The following ANK3 variants were observed in gnomAD, a reference collection of about 807,000 sequenced individuals.
ANK3 encodes ankyrin 3, also known as ankyrin-3.
A neutral mutation model predicts 370.9 loss-of-function variants in ANK3; 57 were observed. The ratio of observed to expected loss-of-function variants is 0.15; its 90% confidence interval spans 0.12 to 0.19. The LOEUF (loss-of-function observed/expected upper bound fraction) is 0.19. Ranked by LOEUF, ANK3 falls within the 10% of genes least tolerant of loss-of-function variation. The pLI, the probability that ANK3 is intolerant of heterozygous loss-of-function variation, is 1.00. For synonymous variants in ANK3, 1,929 were observed against 1,946.3 expected (o/e 0.99, Z 0.23); for missense variants, 4,439 against 5,302.1 (o/e 0.84, Z 5.06).
At chr10:60,194,479 A>G (rs1194500711) in intron 16 of ANK3, among the ~76,000 whole-genome samples, 1 of 152,204 alleles carries the variant, frequency 6.6e-6, no homozygotes, top group Non-Finnish European at 1.5e-5. Context: ...ACTACTCTAT[A>G]TACATCATAT....
At chr10:60,240,104 A>AT (rs1491324502) in intron 7 of ANK3, among the ~76,000 whole-genome samples, 10 of 109,414 alleles carry the variant, frequency 9.1e-5, no homozygotes, top group African/African-American at 3.3e-4. Context: ...ACACACACAT[A>AT]AATACATATA....
At chr10:60,401,387 G>A (rs2063349560) in intron 2 of ANK3, among the ~76,000 whole-genome samples, 1 of 152,156 alleles carries the variant, frequency 6.6e-6, no homozygotes, top group South Asian at 2.1e-4. Flanking sequence ...ATCATGTTAA[G>A]TGTTCTTAAC....
chr10:60,214,044 C>G (rs748233119), intron 8 of ANK3, among the ~76,000 whole-genome samples: 2 of 152,006 alleles, frequency 1.3e-5, no homozygotes, highest in Non-Finnish European at 2.9e-5. Context: ...GTGTAAAAAA[C>G]AAATCACCTG....
At chr10:60,444,680 A>AGT (rs1418813937) in intron 2 of ANK3, among the ~76,000 whole-genome samples, 5 of 151,890 alleles carry the variant, frequency 3.3e-5, no homozygotes, top group African/African-American at 1.2e-4. Context: ...CACTAGAGGG[A>AGT]GTGGTTGATC....
chr10:60,086,696 A>T lies in ANK3; in HGVS notation c.3729T>A (p.Arg1243=). The T allele has an allele frequency of 6.2e-7, 1 of 1,613,956 alleles. No homozygotes were observed. The highest frequency in any genetic ancestry group is 1.3e-5 in the African/African-American group (1 of 75,036). ...CCAAACCTGTAATGCTACAGAGAAGACGCAGATTGGGTGTAGTGTCCCCTT... is the reference window on the plus strand; with the variant it reads ...CCAAACCTGTAATGCTACAGAGAAGTCGCAGATTGGGTGTAGTGTCCCCTT... ...GYKGDTTPNL[R]LLCSITGGTS... is the part of the protein sequence containing the mutation. The change falls in exon 30 of 44, where the codon CGT becomes CGA. Residue 1243 remains arginine (R), a synonymous_variant. Coordinates refer to ENST00000280772, the MANE Select transcript of ANK3 (RefSeq NM_020987.5).
intron 7 of ANK3, among the ~76,000 whole-genome samples, chr10:60,251,992 TCA>T (rs2097674525): frequency 6.6e-6 from 1 of 152,202 alleles, no homozygotes; most frequent in South Asian, 2.1e-4. Flanking sequence ...TATATTTCCA[TCA>T]CAGTCTAGCT....
chr10:60,584,705 A>T (rs981551497), intron 2 of ANK3, among the ~76,000 whole-genome samples: 1 of 152,194 alleles, frequency 6.6e-6, no homozygotes, highest in Non-Finnish European at 1.5e-5. Context: ...TCTAATCTAC[A>T]CCTTTCCTGA....
intron 2 of ANK3, among the ~76,000 whole-genome samples, chr10:60,406,428 C>T (rs2063457286): frequency 6.6e-6 from 1 of 152,202 alleles, no homozygotes; most frequent in Non-Finnish European, 1.5e-5. Context: ...CAGGATGAAA[C>T]TGTTTCACCT....
At chr10:60,197,507 C>A (rs1297529618) in intron 14 of ANK3, among the ~76,000 whole-genome samples, 2 of 152,128 alleles carry the variant, frequency 1.3e-5, no homozygotes, top group Non-Finnish European at 2.9e-5. Flanking sequence ...ACCCTATCAC[C>A]CATTATTCTG....
Position 60,050,894 on chromosome 10 carries a change from AC to A in ANK3, c.13065+4763del, listed in dbSNP as rs952368834. On this transcript the variant is annotated intron_variant, in intron 42 of 43. Coordinates refer to ENST00000280772, the MANE Select transcript of ANK3 (RefSeq NM_020987.5). Reference sequence around the variant, plus strand: ...TTTTCTTGTGTGTTAGTAAAGTTAAACAAACACCTATTTCAGATTTTTTTTT... The same window carrying A: ...TTTTCTTGTGTGTTAGTAAAGTTAAAAAACACCTATTTCAGATTTTTTTTT... Among the ~76,000 whole-genome samples, 77 of 152,044 alleles carry A rather than the reference AC, an allele frequency of 5.1e-4. 1 individual carries two copies. The highest frequency in any genetic ancestry group is 1.6e-3 in the Admixed American group (25 of 15,274).
intron 42 of ANK3, among the ~76,000 whole-genome samples, chr10:60,054,433 T>C (rs944592931): frequency 6.6e-6 from 1 of 152,196 alleles, no homozygotes; most frequent in Non-Finnish European, 1.5e-5. Flanking sequence ...AAGGCAGTTA[T>C]TAAATGAGCT....
intron 1 of ANK3, among the ~76,000 whole-genome samples, chr10:60,681,096 A>C (rs1465044812): frequency 6.6e-6 from 1 of 152,134 alleles, no homozygotes; most frequent in African/African-American, 2.4e-5. Flanking sequence ...CTACTTTCCA[A>C]GTCCAAGTCC....
chr10:60,573,827 G>A (rs1442548), intron 2 of ANK3, among the ~76,000 whole-genome samples: 29,693 of 152,166 alleles, frequency 0.2, 3,381 homozygotes, highest in East Asian at 0.37. Flanking sequence ...GGGGTAACAA[G>A]TGGGAAAGGG....
chr10:60,657,648 T>A (rs929260084), intron 1 of ANK3, among the ~76,000 whole-genome samples: 2 of 152,182 alleles, frequency 1.3e-5, no homozygotes, highest in Non-Finnish European at 2.9e-5. Context: ...ATATGGTCTA[T>A]CTTGTGGAAT....
At chr10:60,328,178 C>A (rs1345864451) in intron 1 of ANK3, among the ~76,000 whole-genome samples, 2 of 152,036 alleles carry the variant, frequency 1.3e-5, no homozygotes, top group Non-Finnish European at 2.9e-5. Context: ...TTCTGAGAGA[C>A]AACAATTGAA....
chr10:60,139,997 C>T (rs1045733745), intron 23 of ANK3: 4 of 270,702 alleles, frequency 1.5e-5, no homozygotes, highest in Non-Finnish European at 2.7e-5. Context: ...TCTTTCTGGA[C>T]GCAAGCTTCA....
In ANK3 at chr10:60,072,459, T is replaced by G; in HGVS notation, c.8422A>C (p.Asn2808His). 6.2e-7 allele frequency: 1 copy of G among 1,614,098 alleles called. No homozygotes were observed. Residue 2808 changes from asparagine (N) to histidine (H), a missense_variant, in exon 37 of 44, where the codon AAT (asparagine) becomes CAT (histidine). Transcript: ENST00000280772. ...EIVVNDSGSD[N>H]VKKQRTEMSS... ...ATTTCAGTTCTCTGTTTTTTCACATTATCAGAGCCAGAATCATTTACAACA... is the reference window on the plus strand; with the variant it reads ...ATTTCAGTTCTCTGTTTTTTCACATGATCAGAGCCAGAATCATTTACAACA...
chr10:60,706,607 C>T (rs2079622639), intron 1 of ANK3, among the ~76,000 whole-genome samples: 1 of 152,070 alleles, frequency 6.6e-6, no homozygotes, highest in Non-Finnish European at 1.5e-5. Context: ...TGTTGAGTCG[C>T]TTTTTTGTGT....
At chr10:60,295,543 G>A (rs1329921302) in intron 1 of ANK3, among the ~76,000 whole-genome samples, 2 of 152,070 alleles carry the variant, frequency 1.3e-5, no homozygotes, top group Non-Finnish European at 2.9e-5. Flanking sequence ...CTGAACCCAC[G>A]AACTTGACCT....
Sources: allele counts gnomAD v4.1 joint callset (sites outside exome capture counted in the v4.1 genomes callset), GRCh38; gene constraint gnomAD v4.1.1; transcripts MANE v1.5; gene names NCBI Gene and HGNC (gene_info 2026-07-23, HGNC 2026-07-21).